The following LONP2 variants were observed in gnomAD, a reference collection of about 807,000 sequenced individuals.
The protein encoded by LONP2 is lon protease homolog 2, peroxisomal.
In LONP2, 60 loss-of-function variants were observed where a neutral mutation model predicts 85.6. That is an observed-to-expected ratio of 0.70 (90% CI 0.57 to 0.87). The LOEUF (loss-of-function observed/expected upper bound fraction) is 0.87. Ranked by LOEUF, LONP2 falls within the 40% of genes least tolerant of loss-of-function variation. The probability of loss-of-function intolerance (pLI) is 0.00; values close to 1 mark genes in which losing one functional copy is unlikely to be tolerated. For missense variants in LONP2, 860 were observed against 1,063.5 expected (o/e 0.81, Z 2.66); for synonymous variants, 395 against 389.7 (o/e 1.01, Z -0.16).
At chr16:48,308,024 A>G (rs1181406368) in intron 11 of LONP2, among the ~76,000 whole-genome samples, 1 of 152,220 alleles carries the variant, frequency 6.6e-6, no homozygotes, top group Non-Finnish European at 1.5e-5. Context: ...GAAGGCACCA[A>G]GCCATTTATC....
intron 8 of LONP2, among the ~76,000 whole-genome samples, chr16:48,294,270 A>G (rs929447116): frequency 2.0e-5 from 3 of 152,204 alleles, no homozygotes; most frequent in African/African-American, 7.2e-5. Flanking sequence ...ATTAGTAGAT[A>G]GTAAGACCAC....
At chr16:48,244,676 C>T (rs1345367990) in intron 1 of LONP2, 55 bp downstream of exon 1, 5 of 1,241,528 alleles carry the variant, frequency 4.0e-6, no homozygotes, top group South Asian at 4.1e-5. Flanking sequence ...CTCCGGGGAC[C>T]TGGGCCCAGG....
At chr16:48,294,578 C>T (rs563689435) in intron 8 of LONP2, among the ~76,000 whole-genome samples, 2 of 152,082 alleles carry the variant, frequency 1.3e-5, no homozygotes, top group Admixed American at 1.3e-4. Flanking sequence ...CCAATCTGGC[C>T]AACATGGTGA....
chr16:48,271,737 T>A (rs1332463666), intron 7 of LONP2, among the ~76,000 whole-genome samples: 3 of 152,078 alleles, frequency 2.0e-5, no homozygotes, highest in African/African-American at 7.2e-5. Flanking sequence ...TAATAATAAA[T>A]TTTAAAAAAG....
At chr16:48,263,607 A>G (rs1214944965) in intron 6 of LONP2, among the ~76,000 whole-genome samples, 1 of 152,198 alleles carries the variant, frequency 6.6e-6, no homozygotes, top group Non-Finnish European at 1.5e-5. Flanking sequence ...CTTATGTGTC[A>G]GTAGACATTT....
At chr16:48,335,486 A>G (rs1959618249) in intron 12 of LONP2, among the ~76,000 whole-genome samples, 1 of 152,228 alleles carries the variant, frequency 6.6e-6, no homozygotes, top group Admixed American at 6.5e-5. Flanking sequence ...GGCATTGTGA[A>G]ATAATTTATA....
At chr16:48,334,736 T>C in intron 12 of LONP2, 1 of 545,648 alleles carries the variant, frequency 1.8e-6, no homozygotes, top group Admixed American at 2.1e-5. Context: ...CAGACACTGC[T>C]GGTCAGGTAA....
rs543582235 is a variant in LONP2 at position 48,258,865 on chromosome 16, T to A, written c.723+125T>A. ...TACTGATAAAATTTAGGTGTTTCCCTCTCATCCTTTTCTTTGCCTGGATTT... is the reference window on the plus strand; with the variant it reads ...TACTGATAAAATTTAGGTGTTTCCCACTCATCCTTTTCTTTGCCTGGATTT... On this transcript the variant is annotated intron_variant, in intron 4 of 14. Coordinates refer to ENST00000285737, the MANE Select transcript of LONP2 (RefSeq NM_031490.5). 4 of 863,972 alleles carry A rather than the reference T, an allele frequency of 4.6e-6. No individual in the cohort carries two copies. In the African/African-American group the frequency reaches 7.0e-5, roughly 15 times the overall value. 53.5% of individuals were successfully genotyped at this position (863,972 alleles called of 1,614,324 possible).
At chr16:48,261,903 C>T (rs544770005) in intron 5 of LONP2, among the ~76,000 whole-genome samples, 1 of 152,178 alleles carries the variant, frequency 6.6e-6, no homozygotes, top group East Asian at 1.9e-4. Context: ...ACAGGGAAAC[C>T]TTGATAACAG....
chr16:48,244,346 G>T lies in LONP2; in HGVS notation c.-43G>T. The T allele has an allele frequency of 7.0e-7, 1 of 1,427,302 alleles. No homozygotes were observed. Among genetic ancestry groups the T allele is most frequent in the Non-Finnish European group, 9.3e-7 (1 of 1,069,796 alleles). 88.4% of individuals were successfully genotyped at this position (1,427,302 alleles called of 1,614,324 possible). A position where few individuals can be genotyped will look rare whatever the true frequency, so the allele number is the denominator to read the frequency against. On this transcript the variant is annotated 5_prime_UTR_variant, in exon 1 of 15. Coordinates refer to ENST00000285737, the MANE Select transcript of LONP2 (RefSeq NM_031490.5). ...CGGGGCAGGCCGGGGGCAGCTGTCT[G>T]TCTGGCTCTTTTTGACAGCCCCCAG...
chr16:48,244,557 CT>C lies in LONP2; in HGVS notation c.170del (p.Leu57ArgfsTer45). 3.2e-6 allele frequency: 5 copies of C among 1,538,742 alleles called. No homozygotes were observed. Among genetic ancestry groups the C allele is most frequent in the Non-Finnish European group, 4.4e-6 (5 of 1,145,678 alleles). On this transcript the variant is annotated frameshift_variant, in exon 1 of 15. Coordinates refer to ENST00000285737, the MANE Select transcript of LONP2 (RefSeq NM_031490.5). LOFTEE classifies it high-confidence loss of function. ...LKGTSLQSTILGVIPNTPDPA... is the reference protein window; with the variant it reads ...LKGTSLQSTIXGVIPNTPDPA... ...GGGCACGTCGCTGCAAAGCACCATC[CT>C]GGGCGTCATCCCCAACACGCCTGAC...
rs747803989 is a variant in LONP2 at position 48,258,664 on chromosome 16, C to T, written c.647C>T (p.Pro216Leu). The T allele has an allele frequency of 6.2e-7, 1 of 1,610,628 alleles. No homozygotes were observed. Among genetic ancestry groups the T allele is most frequent in the East Asian group, 2.2e-5 (1 of 44,616 alleles). The change falls in exon 4 of 15, where the codon CCA becomes CTA. Residue 216 changes from proline to leucine, a missense_variant. By Grantham distance (98) the Pro-to-Leu change is moderately conservative. Coordinates refer to ENST00000285737, the MANE Select transcript of LONP2 (RefSeq NM_031490.5). ...SLEERFKMTI[P>L]LLVRQIEGLK... Reference sequence around the variant, plus strand: ...GAGGAGCGGTTCAAGATGACTATACCACTGCTTGTCAGACAAATTGAAGGC... The same window carrying T: ...GAGGAGCGGTTCAAGATGACTATACTACTGCTTGTCAGACAAATTGAAGGC...
At chr16:48,343,228 G>A (rs1959866596) in intron 12 of LONP2, among the ~76,000 whole-genome samples, 2 of 152,112 alleles carry the variant, frequency 1.3e-5, no homozygotes, top group Non-Finnish European at 2.9e-5. Context: ...GTCAAATATG[G>A]GTCCCTCTGA....
At chr16:48,361,808 T>C (rs767305630), downstream of LONP2, 3 of 1,614,208 alleles carry the variant, frequency 1.9e-6, no homozygotes, top group Non-Finnish European at 2.5e-6. Context: ...GCTGTACGAT[T>C]GCGAAGAACT....
At chr16:48,251,664 T>C (rs749112500) in intron 1 of LONP2, among the ~76,000 whole-genome samples, 1 of 152,206 alleles carries the variant, frequency 6.6e-6, no homozygotes, top group Admixed American at 6.5e-5. Context: ...TTTCATAGAC[T>C]GATTATGTAA....
intron 9 of LONP2, among the ~76,000 whole-genome samples, chr16:48,297,891 G>C (rs991535042): frequency 2.6e-4 from 40 of 152,094 alleles, no homozygotes; most frequent in African/African-American, 8.4e-4. Flanking sequence ...GTAGAGATGG[G>C]ATTTCACCAT....
At chr16:48,326,032 AC>A (rs1973361586) in intron 11 of LONP2, among the ~76,000 whole-genome samples, 1 of 152,180 alleles carries the variant, frequency 6.6e-6, no homozygotes, top group South Asian at 2.1e-4. Context: ...GCTTGTTTAA[AC>A]TGGGTCTCTC....
intron 10 of LONP2, among the ~76,000 whole-genome samples, chr16:48,301,936 GTCT>G (rs1307092991): frequency 6.6e-6 from 1 of 152,084 alleles, no homozygotes; most frequent in Non-Finnish European, 1.5e-5. Flanking sequence ...CTCCTGATTA[GTCT>G]TCTTCTGAAA....
chr16:48,257,277 C>T (rs1160749833), intron 3 of LONP2, among the ~76,000 whole-genome samples: 1 of 152,084 alleles, frequency 6.6e-6, no homozygotes, highest in Admixed American at 6.5e-5. Flanking sequence ...CACCACTGCA[C>T]TCCAGCCTGG....
Sources: allele counts gnomAD v4.1 joint callset (sites outside exome capture counted in the v4.1 genomes callset), GRCh38; gene constraint gnomAD v4.1.1; transcripts MANE v1.5; gene names NCBI Gene and HGNC (gene_info 2026-07-23, HGNC 2026-07-21).